AKT3: variants seen among roughly 807,000 people sequenced by gnomAD.
AKT3 encodes the protein RAC-gamma serine/threonine-protein kinase.
A neutral mutation model predicts 65.3 loss-of-function variants in AKT3; 15 were observed. That is an observed-to-expected ratio of 0.23 (90% CI 0.15 to 0.35). The LOEUF (loss-of-function observed/expected upper bound fraction) is 0.35. Among genes scored for constraint, AKT3 ranks in the 10% least tolerant of loss-of-function variants. The pLI is 1.00. For synonymous variants in AKT3, 206 were observed against 183.8 expected (o/e 1.12, Z -0.98); for missense variants, 243 against 576.5 (o/e 0.42, Z 5.92).
chr1:243,708,946 T>C (rs1451782373), intron 2 of AKT3, among the ~76,000 whole-genome samples: 5 of 151,952 alleles, frequency 3.3e-5, no homozygotes, highest in African/African-American at 9.7e-5. Context: ...CTCACTGAGT[T>C]TTCATAACTG....
Position 243,809,666 on chromosome 1 carries a change from C to T in AKT3, c.46+33459G>A, listed in dbSNP as rs1363491582. Among the ~76,000 whole-genome samples, 4 of 152,158 alleles carry T rather than the reference C, an allele frequency of 2.6e-5. No homozygotes were observed. The South Asian group carries it at 6.2e-4, about 24-fold the overall frequency. On this transcript the variant is annotated intron_variant, in intron 2 of 13. Coordinates refer to ENST00000673466, the MANE Select transcript of AKT3 (RefSeq NM_005465.7). ...AAGGATATCCAGGAATTAAACTCAGCGCTGCACCAAGCAGACCTAATAGAC... is the reference window on the plus strand; with the variant it reads ...AAGGATATCCAGGAATTAAACTCAGTGCTGCACCAAGCAGACCTAATAGAC...
intron 10 of AKT3, among the ~76,000 whole-genome samples, chr1:243,554,921 C>CA (rs1673310391): frequency 6.6e-6 from 1 of 151,482 alleles, no homozygotes; most frequent in South Asian, 2.1e-4. Flanking sequence ...GGTTTGCAGC[C>CA]AGAAGGGAAA....
At chr1:243,817,967 A>G (rs932678013) in intron 2 of AKT3, 5 of 152,254 alleles carry the variant, frequency 3.3e-5, no homozygotes, top group African/African-American at 1.2e-4. Context: ...TGTTTAAAGA[A>G]GCTGTCTTAA....
chr1:243,738,478 G>T (rs890496909), intron 2 of AKT3, among the ~76,000 whole-genome samples: 2 of 152,178 alleles, frequency 1.3e-5, no homozygotes, highest in African/African-American at 4.8e-5. Flanking sequence ...CAACTTTAGG[G>T]AGGTGTCTAG....
At chr1:243,665,069 C>A (rs1682673066) in intron 3 of AKT3, among the ~76,000 whole-genome samples, 186 bp from the exon 4 acceptor site, 1 of 152,192 alleles carries the variant, frequency 6.6e-6, no homozygotes, top group Admixed American at 6.5e-5. Flanking sequence ...CCCATTCTGG[C>A]CACATTAACC....
intron 3 of AKT3, among the ~76,000 whole-genome samples, chr1:243,668,488 A>G (rs372214120): frequency 9.2e-5 from 14 of 152,212 alleles, no homozygotes; most frequent in Non-Finnish European, 1.9e-4. Context: ...TAACGTTGCA[A>G]AAGGATCCAT....
intron 2 of AKT3, among the ~76,000 whole-genome samples, chr1:243,767,794 G>A (rs1478387393): frequency 6.6e-6 from 1 of 151,994 alleles, no homozygotes; most frequent in Non-Finnish European, 1.5e-5. Flanking sequence ...GATTATACTT[G>A]CCTCTACTTT....
At chr1:243,571,313 C>T (rs1312388349) in intron 9 of AKT3, among the ~76,000 whole-genome samples, 2 of 152,162 alleles carry the variant, frequency 1.3e-5, no homozygotes, top group East Asian at 3.9e-4. Context: ...GAGACTCCAT[C>T]TGAAAACACA....
intron 12 of AKT3, among the ~76,000 whole-genome samples, chr1:243,535,920 T>G (rs940235071): frequency 2.0e-5 from 3 of 152,194 alleles, no homozygotes; most frequent in Non-Finnish European, 4.4e-5. Flanking sequence ...ACCATTCTGA[T>G]TGGGGTAAAA....
chr1:243,569,038 T>C (rs887178111), intron 9 of AKT3, among the ~76,000 whole-genome samples: 1 of 152,192 alleles, frequency 6.6e-6, no homozygotes, highest in Non-Finnish European at 1.5e-5. Context: ...AAACAATTCC[T>C]GTTACTCACT....
At chr1:243,523,110 G>T (rs144978557) in intron 12 of AKT3, among the ~76,000 whole-genome samples, 8 of 152,260 alleles carry the variant, frequency 5.3e-5, no homozygotes, top group African/African-American at 1.9e-4. Context: ...GTTCTGCAAG[G>T]AAGCTATTGG....
At chr1:243,667,818 C>A (rs894164892) in intron 3 of AKT3, among the ~76,000 whole-genome samples, 4 of 152,164 alleles carry the variant, frequency 2.6e-5, no homozygotes, top group African/African-American at 9.7e-5. Flanking sequence ...CCTTAGTACT[C>A]TCTTTCAGGC....
At chr1:243,522,822 T>C (rs372089891) in intron 12 of AKT3, among the ~76,000 whole-genome samples, 3 of 152,300 alleles carry the variant, frequency 2.0e-5, no homozygotes, top group East Asian at 1.9e-4. Context: ...TTAAAGCTTC[T>C]AACAAGTATC....
intron 3 of AKT3, among the ~76,000 whole-genome samples, chr1:243,673,411 T>A (rs563515308): frequency 9.9e-5 from 15 of 152,116 alleles, no homozygotes; most frequent in Non-Finnish European, 1.9e-4. Context: ...ATTATATGTT[T>A]TGGATATTTT....
At chr1:243,715,752 C>G (rs767535351) in intron 2 of AKT3, among the ~76,000 whole-genome samples, 2 of 151,934 alleles carry the variant, frequency 1.3e-5, no homozygotes, top group Non-Finnish European at 2.9e-5. Flanking sequence ...AAAGGTGTTA[C>G]CAAATGACTT....
intron 12 of AKT3, among the ~76,000 whole-genome samples, chr1:243,527,627 C>G (rs1671198845): frequency 6.6e-6 from 1 of 152,092 alleles, no homozygotes; most frequent in African/African-American, 2.4e-5. Flanking sequence ...TTCTCTCTAG[C>G]TCCCTCTGAG....
chr1:243,772,612 T>C (rs1422525949), intron 2 of AKT3, among the ~76,000 whole-genome samples: 2 of 152,204 alleles, frequency 1.3e-5, no homozygotes, highest in East Asian at 3.9e-4. Context: ...GTTCAACCAT[T>C]GTGGAAGACA....
intron 8 of AKT3, among the ~76,000 whole-genome samples, chr1:243,583,557 GAAAAA>G (rs977215298): frequency 5.4e-4 from 21 of 38,834 alleles, no homozygotes; most frequent in East Asian, 4.8e-3. Flanking sequence ...AAAAAAAAAA[GAAAAA>G]AAAAAGAAAA....
chr1:243,806,788 T>C (rs1692754893), intron 2 of AKT3, among the ~76,000 whole-genome samples: 2 of 152,222 alleles, frequency 1.3e-5, no homozygotes, highest in Non-Finnish European at 2.9e-5. Flanking sequence ...AAAATATGCA[T>C]ACATGGAACT....
Sources: gnomAD v4.1 joint callset for allele counts (sites outside exome capture counted in the v4.1 genomes callset) on GRCh38, gnomAD v4.1.1 for gene constraint, MANE v1.5 for transcripts, NCBI Gene and HGNC (gene_info 2026-07-23, HGNC 2026-07-21) for gene names.